The following UBE2V2 variants were observed in gnomAD, a reference collection of about 807,000 sequenced individuals.
UBE2V2 encodes the protein ubiquitin conjugating enzyme E2 V2, also known as ubiquitin-conjugating enzyme E2 variant 2.
UBE2V2 carries 9 observed loss-of-function variants against 17.2 expected under a neutral mutation model. The observed-to-expected ratio is 0.52, with a 90% CI of 0.32 to 0.91. The LOEUF (loss-of-function observed/expected upper bound fraction) is 0.91. Among genes scored for constraint, UBE2V2 ranks in the 40% least tolerant of loss-of-function variants. The pLI, the probability that UBE2V2 is intolerant of heterozygous loss-of-function variation, is 0.04. For synonymous variants in UBE2V2, 61 were observed against 57.5 expected (o/e 1.06, Z -0.28); for missense variants, 133 against 182.6 (o/e 0.73, Z 1.56).
chr8:48,033,867 G>C (rs1223536129), intron 1 of UBE2V2, among the ~76,000 whole-genome samples: 4 of 152,078 alleles, frequency 2.6e-5, no homozygotes, highest in African/African-American at 9.7e-5. Flanking sequence ...TAAGGTGGGA[G>C]GATCGCTTGA....
chr8:48,019,155 G>A (rs2091287973), intron 1 of UBE2V2, among the ~76,000 whole-genome samples: 1 of 151,840 alleles, frequency 6.6e-6, no homozygotes, highest in Non-Finnish European at 1.5e-5. Flanking sequence ...GCACGAGGTT[G>A]GGAGTTCAAG....
At chr8:48,033,774 A>G (rs2091400947) in intron 1 of UBE2V2, among the ~76,000 whole-genome samples, 2 of 152,094 alleles carry the variant, frequency 1.3e-5, no homozygotes, top group South Asian at 2.1e-4. Flanking sequence ...CCTGGGCAAC[A>G]TGGCAAAACC....
At chr8:48,058,800 A>G (rs1338364681) in intron 3 of UBE2V2, among the ~76,000 whole-genome samples, 1 of 151,800 alleles carries the variant, frequency 6.6e-6, no homozygotes. Flanking sequence ...TTTTGCATCC[A>G]TTGAGATGAT....
chr8:47,997,851 T>C, the UBE2V2 span, among the ~76,000 whole-genome samples: 3 of 151,784 alleles, frequency 2.0e-5, no homozygotes, highest in African/African-American at 7.3e-5. Context: ...GGGGTCATGC[T>C]GTTCTGGTGG....
At position 48,043,196 on chromosome 8, in the gene UBE2V2, TTA is replaced by T; in HGVS notation, c.165+19_165+20del. The T allele has an allele frequency of 6.9e-7, 1 of 1,444,510 alleles. No individual in the cohort carries two copies. The highest frequency in any genetic ancestry group is 1.9e-4 in the Middle Eastern group (1 of 5,162). The allele number at this position is 1,444,510 out of a possible 1,614,324, so 89.5% of individuals were successfully genotyped here. On this transcript the variant is annotated intron_variant, in intron 2 of 3. Transcript: ENST00000523111. ...GGCCACCAAGGGTCAGTGTTATAAA[TTA>T]TATTTTTTCTATTAATACTTATTGT...
chr8:48,029,638 G>T, intron 1 of UBE2V2, among the ~76,000 whole-genome samples: 1 of 152,198 alleles, frequency 6.6e-6, no homozygotes. Context: ...TACAGACAGT[G>T]CATTGCTTGG....
At chr8:48,029,269 CAGTG>C (rs2091367145) in intron 1 of UBE2V2, among the ~76,000 whole-genome samples, 1 of 152,148 alleles carries the variant, frequency 6.6e-6, no homozygotes, top group Non-Finnish European at 1.5e-5. Flanking sequence ...TTCGAGGTTG[CAGTG>C]AGACATGATT....
At chr8:47,999,012 T>C in the UBE2V2 span, among the ~76,000 whole-genome samples, 1 of 152,158 alleles carries the variant, frequency 6.6e-6, no homozygotes, top group East Asian at 1.9e-4. Context: ...TAGGTAAAGT[T>C]TGTTTATGCT....
chr8:48,008,624 G>T, intron 1 of UBE2V2, 154 bp downstream of exon 1: 1 of 1,152,338 alleles, frequency 8.7e-7, no homozygotes, highest in Non-Finnish European at 1.1e-6. Flanking sequence ...GGGACCGGGT[G>T]GGACCGGCGC....
intron 3 of UBE2V2, among the ~76,000 whole-genome samples, chr8:48,053,780 T>C (rs1262007622): frequency 6.6e-6 from 1 of 151,186 alleles, no homozygotes; most frequent in East Asian, 1.9e-4. Flanking sequence ...TAATTCTGTG[T>C]GTGGCTTTCT....
intron 1 of UBE2V2, among the ~76,000 whole-genome samples, chr8:48,025,592 CT>C (rs1305668446): frequency 6.0e-4 from 83 of 137,934 alleles, no homozygotes; most frequent in Non-Finnish European, 1.0e-3. Flanking sequence ...TCTGGATTTT[CT>C]TTTTTTTTTC....
chr8:48,064,351 A>G lies in UBE2V2; in HGVS notation c.*3523A>G, dbSNP rs990209442. On this transcript the variant is annotated 3_prime_UTR_variant, in exon 4 of 4. Transcript: ENST00000523111. ...ACACACACACAAAATTCAACTCCTC[A>G]AGGTTTGGGAAAATTGTGTATTTTT... The G allele has an allele frequency of 1.3e-5, 2 of 152,154 alleles. No homozygotes were observed. The highest frequency in any genetic ancestry group is 4.8e-5 in the African/African-American group (2 of 41,432). The allele number at this position is 152,154 out of a possible 1,614,324, so 9.4% of individuals were successfully genotyped here. A position where few individuals can be genotyped will look rare whatever the true frequency, so the allele number is the denominator to read the frequency against.
chr8:48,032,530 A>T (rs1377452566), intron 1 of UBE2V2, among the ~76,000 whole-genome samples: 5 of 152,080 alleles, frequency 3.3e-5, no homozygotes, highest in Non-Finnish European at 7.4e-5. Context: ...AGGCAGGAGG[A>T]CCCCTTGAGC....
At chr8:48,007,208 G>T (rs112086168), upstream of UBE2V2, among the ~76,000 whole-genome samples, 3 of 152,184 alleles carry the variant, frequency 2.0e-5, no homozygotes, top group African/African-American at 7.2e-5. Flanking sequence ...ACAAGACAAA[G>T]ATGCCCTCTC....
At chr8:48,047,420 C>T (rs1563858336) in intron 2 of UBE2V2, among the ~76,000 whole-genome samples, 1 of 152,092 alleles carries the variant, frequency 6.6e-6, no homozygotes. Context: ...AAAATAGAAA[C>T]AGTGTGAGAA....
intron 1 of UBE2V2, among the ~76,000 whole-genome samples, chr8:48,023,691 G>A (rs2154507074): frequency 6.6e-6 from 1 of 152,048 alleles, no homozygotes; most frequent in South Asian, 2.1e-4. Flanking sequence ...GGCCAACATG[G>A]TGATACCCTA....
chr8:48,028,094 T>C lies in UBE2V2; in HGVS notation c.17-14939T>C, dbSNP rs2091357738. Among the ~76,000 whole-genome samples, 3 of 152,138 alleles carry C rather than the reference T, an allele frequency of 2.0e-5. No homozygotes were observed. In the South Asian group the frequency reaches 6.2e-4, roughly 32 times the overall value. On this transcript the variant is annotated intron_variant, in intron 1 of 3. Transcript: ENST00000523111. The stretch of plus-strand genomic sequence containing the variant: ...GTCTTGAACTGCTGACCTCGTGATC[T>C]GCCTGCCTTGGCCTCCCAAAGTGCT...
At chr8:48,011,349 A>G (rs1161698365) in intron 1 of UBE2V2, among the ~76,000 whole-genome samples, 1 of 151,090 alleles carries the variant, frequency 6.6e-6, no homozygotes, top group Non-Finnish European at 1.5e-5. Context: ...TTGTATATAT[A>G]TTTTTTCTAG....
upstream of UBE2V2, chr8:48,008,284 C>CA: frequency 2.7e-6 from 2 of 739,528 alleles, no homozygotes; most frequent in Non-Finnish European, 3.9e-6. Context: ...ATTGCGGAAA[C>CA]AGCAGCGAGG....
Sources: gnomAD v4.1 joint callset for allele counts (sites outside exome capture counted in the v4.1 genomes callset) on GRCh38, gnomAD v4.1.1 for gene constraint, MANE v1.5 for transcripts, NCBI Gene and HGNC (gene_info 2026-07-23, HGNC 2026-07-21) for gene names.